ERICH3: variants seen among roughly 807,000 people sequenced by gnomAD.
The protein encoded by ERICH3 is glutamate-rich protein 3.
A neutral mutation model predicts 131.1 loss-of-function variants in ERICH3; 126 were observed. The ratio of observed to expected loss-of-function variants is 0.96; its 90% CI spans 0.83 to 1.11. The LOEUF is 1.11. ERICH3 is among the 50% of genes most tolerant of loss of function. The probability of loss-of-function intolerance (pLI) is 0.00; values close to 1 mark genes in which losing one functional copy is unlikely to be tolerated. For missense variants in ERICH3, 2,050 were observed against 1,810.7 expected, an observed-to-expected ratio of 1.13 and a Z score of -2.40; for synonymous variants, 695 against 644.6, an observed-to-expected ratio of 1.08 and a Z score of -1.18.
intron 3 of ERICH3, 50 bp from the exon 4 acceptor site, chr1:74,643,148 AG>A: frequency 7.2e-7 from 1 of 1,394,170 alleles, no homozygotes; most frequent in Non-Finnish European, 1.0e-6. Context: ...GTTATAGCAA[AG>A]ACCAGTTTAG....
intron 7 of ERICH3, among the ~76,000 whole-genome samples, chr1:74,626,315 A>G (rs974081336): frequency 6.6e-6 from 1 of 152,158 alleles, no homozygotes; most frequent in Non-Finnish European, 1.5e-5. Flanking sequence ...GAATGGAGAA[A>G]CTGGCTTAAG....
intron 10 of ERICH3, among the ~76,000 whole-genome samples, chr1:74,603,324 T>A (rs1648232603): frequency 6.6e-6 from 1 of 151,900 alleles, no homozygotes; most frequent in Non-Finnish European, 1.5e-5. Flanking sequence ...CAAACCTGGG[T>A]GCAAATTCTT....
At chr1:74,665,684 T>C (rs1408648072) in intron 1 of ERICH3, among the ~76,000 whole-genome samples, 2 of 152,194 alleles carry the variant, frequency 1.3e-5, no homozygotes, top group Non-Finnish European at 2.9e-5. Context: ...GCCATGTTTG[T>C]GAGCATGTCT....
chr1:74,653,683 G>T (rs768314424), intron 1 of ERICH3, among the ~76,000 whole-genome samples: 1 of 152,006 alleles, frequency 6.6e-6, no homozygotes, highest in Non-Finnish European at 1.5e-5. Context: ...AAGTGGAAAA[G>T]CTCCAAAACA....
chr1:74,573,239 T>A lies in ERICH3; in HGVS notation c.2471A>T (p.Glu824Val), dbSNP rs1212758452. The A allele has an allele frequency of 1.2e-6, 2 of 1,604,206 alleles. No individual in the cohort carries two copies. Among genetic ancestry groups the A allele is most frequent in the East Asian group, 2.2e-5 (1 of 44,852 alleles). The change falls in exon 14 of 15, where the codon GAG becomes GTG. Residue 824 changes from glutamate (E) to valine (V), a missense_variant. Physicochemically the swap from Glu to Val is moderately radical, Grantham distance 121 (BLOSUM62 -2). Coordinates refer to ENST00000326665, the MANE Select transcript of ERICH3 (RefSeq NM_001002912.5). ...PTAEQPELAEEFTEKREIPPG... is the reference protein window; with the variant it reads ...PTAEQPELAEVFTEKREIPPG... ...AGGGATCTCCCTTTTTTCTGTAAAC[T>A]CTTCTGCCAATTCTGGCTGCTCTGC...
chr1:74,620,730 G>A lies in ERICH3; in HGVS notation c.1000+4C>T. 1.3e-6 allele frequency: 2 copies of A among 1,593,134 alleles called. No homozygotes were observed. The highest frequency in any genetic ancestry group is 1.7e-6 in the Non-Finnish European group (2 of 1,170,430). On this transcript the variant is annotated splice_donor_region_variant and intron_variant, in intron 8 of 14. Coordinates refer to ENST00000326665, the MANE Select transcript of ERICH3 (RefSeq NM_001002912.5). ...ATTAAAAAACATTCACATTTTATGT[G>A]TACCTTTTTCAAGTAGTTTGCCTTT... is the stretch of plus-strand genomic sequence containing the variant.
At chr1:74,643,756 C>T (rs1031648524) in intron 3 of ERICH3, among the ~76,000 whole-genome samples, 8 of 152,078 alleles carry the variant, frequency 5.3e-5, no homozygotes, top group African/African-American at 1.7e-4. Flanking sequence ...AATGAACTTG[C>T]GCCAGGTCAT....
At chr1:74,658,610 AT>A (rs1411076154) in intron 1 of ERICH3, among the ~76,000 whole-genome samples, 2 of 152,176 alleles carry the variant, frequency 1.3e-5, no homozygotes, top group Admixed American at 6.5e-5. Context: ...AAGAAAAAAA[AT>A]AAAATTGTAC....
chr1:74,637,754 T>C (rs1646402411), intron 5 of ERICH3, among the ~76,000 whole-genome samples: 1 of 151,978 alleles, frequency 6.6e-6, no homozygotes, highest in Non-Finnish European at 1.5e-5. Flanking sequence ...ACCTTGTCTC[T>C]ACAAAAAATG....
chr1:74,583,495 T>TTC (rs368745188), intron 12 of ERICH3, among the ~76,000 whole-genome samples: 46 of 151,390 alleles, frequency 3.0e-4, no homozygotes, highest in Non-Finnish European at 5.8e-4. Context: ...CTCTCTCTCC[T>TTC]TCTCTCTCTC....
chr1:74,630,150 G>A (rs1557691526), intron 7 of ERICH3, among the ~76,000 whole-genome samples: 1 of 152,054 alleles, frequency 6.6e-6, no homozygotes, highest in African/African-American at 2.4e-5. Context: ...ATCAAATCCT[G>A]CCCCCCAAGT....
At chr1:74,591,756 A>G (rs1405166718) in intron 11 of ERICH3, among the ~76,000 whole-genome samples, 1 of 152,178 alleles carries the variant, frequency 6.6e-6, no homozygotes, top group Non-Finnish European at 1.5e-5. Flanking sequence ...CACTGCATAC[A>G]TTGCTACAGG....
At chr1:74,662,224 C>T (rs908997803) in intron 1 of ERICH3, among the ~76,000 whole-genome samples, 13 of 152,148 alleles carry the variant, frequency 8.5e-5, no homozygotes, top group Non-Finnish European at 1.9e-4. Flanking sequence ...ATTGGAATCT[C>T]AATATTCGTC....
At chr1:74,577,104 T>C (rs147615307) in intron 12 of ERICH3, 168 bp from the exon 13 acceptor site, 25 of 574,762 alleles carry the variant, frequency 4.3e-5, no homozygotes, top group Admixed American at 4.2e-4. Flanking sequence ...CCTACCAGTA[T>C]TGTATAATCT....
intron 12 of ERICH3, chr1:74,586,638 T>A (rs1647342157): frequency 2.2e-6 from 1 of 446,910 alleles, no homozygotes. Flanking sequence ...TGAAATAATC[T>A]TAGTAATAAG....
intron 14 of ERICH3, 85 bp downstream of exon 14, chr1:74,571,014 A>G (rs1646931259): frequency 2.0e-6 from 3 of 1,480,192 alleles, no homozygotes; most frequent in African/African-American, 1.4e-5. Context: ...ACAGACACCA[A>G]TAAAGGGACA....
intron 7 of ERICH3, among the ~76,000 whole-genome samples, chr1:74,630,358 G>C (rs1371109570): frequency 6.6e-6 from 1 of 152,160 alleles, no homozygotes; most frequent in Non-Finnish European, 1.5e-5. Flanking sequence ...CTCCATTGAG[G>C]TCAGTCTTGG....
chr1:74,577,651 A>C (rs993244504), intron 12 of ERICH3: 4 of 152,236 alleles, frequency 2.6e-5, no homozygotes, highest in Non-Finnish European at 5.9e-5. Flanking sequence ...CTATGATTTC[A>C]AAAAGAAAAC....
intron 11 of ERICH3, among the ~76,000 whole-genome samples, chr1:74,598,431 T>G (rs1647959339): frequency 6.6e-6 from 1 of 151,804 alleles, no homozygotes; most frequent in Non-Finnish European, 1.5e-5. Flanking sequence ...GAAAAGAAAC[T>G]GTTAAGCAAT....
Sources: gnomAD v4.1 joint callset for allele counts (sites outside exome capture counted in the v4.1 genomes callset) on GRCh38, gnomAD v4.1.1 for gene constraint, MANE v1.5 for transcripts, NCBI Gene and HGNC (gene_info 2026-07-23, HGNC 2026-07-21) for gene names.